NDC1: variants seen among roughly 807,000 people sequenced by gnomAD.
NDC1 encodes NDC1 transmembrane nucleoporin.
NDC1 carries 24 observed loss-of-function variants against 89.8 expected under a neutral mutation model. That is an observed-to-expected ratio of 0.27 (90% confidence interval 0.19 to 0.38). The LOEUF (loss-of-function observed/expected upper bound fraction) is 0.38. Ranked by LOEUF, NDC1 falls within the 10% of genes least tolerant of loss-of-function variation. The pLI is 1.00. For missense variants in NDC1, 728 were observed against 797.6 expected (o/e 0.91, Z 1.05); for synonymous variants, 296 against 284.8 (o/e 1.04, Z -0.39).
intron 6 of NDC1, among the ~76,000 whole-genome samples, chr1:53,811,167 G>A (rs1381850636): frequency 6.6e-6 from 1 of 152,214 alleles, no homozygotes; most frequent in East Asian, 1.9e-4. Flanking sequence ...GGCACCACAG[G>A]GATCCATCAG....
chr1:53,814,653 T>C (rs188181742), intron 6 of NDC1, among the ~76,000 whole-genome samples: 127 of 151,870 alleles, frequency 8.4e-4, no homozygotes, highest in Admixed American at 1.8e-3. Flanking sequence ...AAAAGATAAA[T>C]GAAACAAAAA....
intron 16 of NDC1, among the ~76,000 whole-genome samples, chr1:53,772,745 C>T (rs544222646): frequency 6.7e-6 from 1 of 148,172 alleles, no homozygotes; most frequent in African/African-American, 2.5e-5. Flanking sequence ...CATAATATAA[C>T]ATAAAATAAA....
chr1:53,826,540 G>A (rs770862913), intron 4 of NDC1, among the ~76,000 whole-genome samples: 3 of 152,182 alleles, frequency 2.0e-5, no homozygotes, highest in African/African-American at 4.8e-5. Context: ...AACTCCTGAT[G>A]CTTCCCAAAT....
At chr1:53,792,754 T>G (rs1057095235) in intron 14 of NDC1, among the ~76,000 whole-genome samples, 4 of 152,270 alleles carry the variant, frequency 2.6e-5, no homozygotes, top group Non-Finnish European at 2.9e-5. Context: ...CTGTGGCAGC[T>G]GGAACAGCTG....
At chr1:53,809,662 G>A (rs1181158) in intron 7 of NDC1, 33 bp downstream of exon 7, 35 of 1,414,642 alleles carry the variant, frequency 2.5e-5, no homozygotes, top group Non-Finnish European at 3.4e-5. Context: ...AATGGAAACA[G>A]AGTTAAAATT....
chr1:53,787,506 C>T (rs1243618008), intron 15 of NDC1, among the ~76,000 whole-genome samples: 1 of 151,340 alleles, frequency 6.6e-6, no homozygotes, highest in African/African-American at 2.4e-5. Context: ...ATGTGTGGTG[C>T]CACAAACCTA....
chr1:53,833,044 A>G (rs900980405), intron 2 of NDC1, among the ~76,000 whole-genome samples: 17 of 152,310 alleles, frequency 1.1e-4, no homozygotes, highest in Admixed American at 2.0e-4. Context: ...AAGGAGTTAC[A>G]GTGTGAGTTA....
chr1:53,816,254 T>C (rs1032325453), intron 6 of NDC1, among the ~76,000 whole-genome samples: 3 of 152,126 alleles, frequency 2.0e-5, no homozygotes, highest in East Asian at 1.9e-4. Context: ...AATACGCACA[T>C]AGACCAATGG....
At position 53,766,614 on chromosome 1, in the gene NDC1, G is replaced by A. The variant is rs1330385828; in HGVS notation, c.*1356C>T. The A allele has an allele frequency of 6.6e-6, 1 of 152,152 alleles. No individual in the cohort carries two copies. Among genetic ancestry groups the A allele is most frequent in the African/African-American group, 2.4e-5 (1 of 41,422 alleles). 9.4% of individuals were successfully genotyped at this position (152,152 alleles called of 1,614,324 possible). ...GCCAGTAGCACCTATTTATAATTTG[G>A]CATGTACTGCTTGAAGGGGCAACAG... is the stretch of plus-strand genomic sequence containing the variant. On this transcript the variant is annotated 3_prime_UTR_variant, in exon 18 of 18. Coordinates refer to ENST00000371429, the MANE Select transcript of NDC1 (RefSeq NM_018087.5).
intron 15 of NDC1, 124 bp from the exon 16 acceptor site, chr1:53,787,382 C>T: frequency 1.7e-6 from 1 of 596,622 alleles, no homozygotes; most frequent in Non-Finnish European, 2.9e-6. Context: ...GGCACGGTGG[C>T]TCACACCTGT....
At chr1:53,809,923 C>G (rs76834624) in intron 6 of NDC1, among the ~76,000 whole-genome samples, 177 bp from the exon 7 acceptor site, 1 of 152,218 alleles carries the variant, frequency 6.6e-6, no homozygotes, top group East Asian at 1.9e-4. Flanking sequence ...GCAGTCTTTG[C>G]TTTGTACAGT....
At chr1:53,827,122 T>C (rs1648890478) in intron 4 of NDC1, among the ~76,000 whole-genome samples, 1 of 152,042 alleles carries the variant, frequency 6.6e-6, no homozygotes, top group Non-Finnish European at 1.5e-5. Flanking sequence ...AGAAAGCCTA[T>C]GATATTAAGG....
At chr1:53,832,454 G>T (rs375909286) in intron 3 of NDC1, 36 bp downstream of exon 3, 6 of 1,061,906 alleles carry the variant, frequency 5.7e-6, no homozygotes, top group Non-Finnish European at 8.7e-6. Flanking sequence ...AAATAAATTC[G>T]CATATTTCTA....
intron 14 of NDC1, among the ~76,000 whole-genome samples, chr1:53,791,966 G>A (rs539260128): frequency 2.0e-5 from 3 of 148,806 alleles, no homozygotes; most frequent in African/African-American, 5.0e-5. Context: ...TTTTTGAGAC[G>A]GCGTCTCGCT....
chr1:53,833,092 A>G (rs1649118277), intron 2 of NDC1, among the ~76,000 whole-genome samples: 1 of 152,154 alleles, frequency 6.6e-6, no homozygotes, highest in South Asian at 2.1e-4. Flanking sequence ...ATTATACTAC[A>G]ATTTCTTAAA....
At chr1:53,790,433 G>A (rs767687654) in intron 14 of NDC1, among the ~76,000 whole-genome samples, 8 of 151,190 alleles carry the variant, frequency 5.3e-5, no homozygotes, top group Non-Finnish European at 7.4e-5. Flanking sequence ...TTGGCTGGGC[G>A]CGGTGGCTCA....
chr1:53,805,800 C>G (rs554497816), intron 9 of NDC1, among the ~76,000 whole-genome samples: 1 of 152,170 alleles, frequency 6.6e-6, no homozygotes, highest in Non-Finnish European at 1.5e-5. Context: ...ATTGGCCGGG[C>G]GCGGTGGCTC....
chr1:53,810,051 T>G (rs1648252550), intron 6 of NDC1, among the ~76,000 whole-genome samples: 1 of 152,224 alleles, frequency 6.6e-6, no homozygotes, highest in South Asian at 2.1e-4. Flanking sequence ...CATATAGCAC[T>G]TCTAACTTTT....
rs1647405797 is a variant in NDC1 at position 53,789,213 on chromosome 1, A to G, written c.1636-17T>C. 6.3e-7 allele frequency: 1 copy of G among 1,582,390 alleles called. No homozygotes were observed. The highest frequency in any genetic ancestry group is 1.4e-5 in the African/African-American group (1 of 73,896). On this transcript the variant is annotated splice_polypyrimidine_tract_variant and intron_variant, in intron 14 of 17. Transcript: ENST00000371429. ...CTCTGGGTGCTACAAATAAAAACAA[A>G]AACATTCAAGTGAATTCCCCTGAGC... is the stretch of plus-strand genomic sequence containing the variant.
Sources: allele counts gnomAD v4.1 joint callset (sites outside exome capture counted in the v4.1 genomes callset), GRCh38; gene constraint gnomAD v4.1.1; transcripts MANE v1.5; gene names NCBI Gene and HGNC (gene_info 2026-07-23, HGNC 2026-07-21).